Variants in BTBD1 observed in about 807,000 individuals in gnomAD.
BTBD1 encodes BTB domain containing 1.
BTBD1 carries 34 observed loss-of-function variants against 48.0 expected under a neutral mutation model. The ratio of observed to expected loss-of-function variants is 0.71; its 90% CI spans 0.54 to 0.94. The LOEUF is 0.94. Among genes scored for constraint, BTBD1 ranks in the 40% least tolerant of loss-of-function variants. The probability of loss-of-function intolerance (pLI) is 0.00; values close to 1 mark genes in which losing one functional copy is unlikely to be tolerated. For missense variants in BTBD1, 543 were observed against 625.6 expected (o/e 0.87, Z 1.41); for synonymous variants, 261 against 242.1 (o/e 1.08, Z -0.72).
chr15:83,028,673 G>A (rs111668032), intron 5 of BTBD1: 107 of 152,114 alleles, frequency 7.0e-4, no homozygotes, highest in African/African-American at 2.4e-3. Flanking sequence ...TCCTTCCATG[G>A]TAATTGGTCT....
In BTBD1 at chr15:83,067,213, T is replaced by C. The variant is rs551446352; in HGVS notation, c.-62A>G. The C allele has an allele frequency of 3.8e-6, 5 of 1,323,288 alleles. No homozygotes were observed. In the African/African-American group the frequency reaches 4.6e-5, roughly 12 times the overall value. The allele number at this position is 1,323,288 out of a possible 1,614,324, so 82.0% of individuals were successfully genotyped here. Reference sequence around the variant, plus strand: ...CTCCGCCGCCATCGCCCAGGCCGCCTCCGGAGGCCGGCGCTGCCTCCCTGC... The same window carrying C: ...CTCCGCCGCCATCGCCCAGGCCGCCCCCGGAGGCCGGCGCTGCCTCCCTGC... On this transcript the variant is annotated 5_prime_UTR_variant, in exon 1 of 8. Transcript: ENST00000261721.
At position 83,067,086 on chromosome 15, in the gene BTBD1, G is replaced by C; in HGVS notation, c.66C>G (p.Pro22=). 2 of 1,529,338 alleles carry C rather than the reference G, an allele frequency of 1.3e-6. No individual in the cohort carries two copies. The highest frequency in any genetic ancestry group is 1.7e-6 in the Non-Finnish European group (2 of 1,144,420). 94.7% of individuals were successfully genotyped at this position (1,529,338 alleles called of 1,614,324 possible). Residue 22 remains proline (P), a synonymous_variant, in exon 1 of 8, where the codon CCC becomes CCG. Transcript: ENST00000261721. ...GTGAGGGCGGCGGCGGCGGCCCCGC[G>C]GGGCCCGGCTCCGCCTCAGCCCCCG... ...QASGAEAEPG[P]AGPPPPPSPS...
chr15:83,035,911 C>A (rs2032617352), intron 4 of BTBD1, among the ~76,000 whole-genome samples: 1 of 151,412 alleles, frequency 6.6e-6, no homozygotes, highest in South Asian at 2.1e-4. Context: ...TATATATAGA[C>A]TAATTTCTCT....
In BTBD1 at chr15:83,020,773, G is replaced by T. The variant is rs751893394; in HGVS notation, c.1056-11C>A. 5.9e-6 allele frequency: 9 copies of T among 1,523,790 alleles called. No individual in the cohort carries two copies. Among genetic ancestry groups the T allele is most frequent in the African/African-American group, 1.4e-5 (1 of 72,724 alleles). The allele number at this position is 1,523,790 out of a possible 1,614,324, so 94.4% of individuals were successfully genotyped here. ...CTATTAACTGTGAATCTGAGAGAAA[G>T]AAGCCAAAAATAAAATATAATTAAT... On this transcript the variant is annotated splice_polypyrimidine_tract_variant and intron_variant, in intron 5 of 7. Coordinates refer to ENST00000261721, the MANE Select transcript of BTBD1 (RefSeq NM_025238.4).
intron 4 of BTBD1, among the ~76,000 whole-genome samples, chr15:83,035,036 G>A (rs1795476632): frequency 6.6e-6 from 1 of 152,180 alleles, no homozygotes. Context: ...GCTCATGCCT[G>A]TAATCCTAGC....
chr15:83,020,750 A>C lies in BTBD1; in HGVS notation c.1068T>G (p.Asn356Lys). The C allele has an allele frequency of 6.3e-7, 1 of 1,598,714 alleles. No individual in the cohort carries two copies. Among genetic ancestry groups the C allele is most frequent in the Non-Finnish European group, 8.6e-7 (1 of 1,167,162 alleles). Reference sequence around the variant, plus strand: ...CAAATCCAACTATAGAGATCCTTCTATTAACTGTGAATCTGAGAGAAAGAA... The same window carrying C: ...CAAATCCAACTATAGAGATCCTTCTCTTAACTGTGAATCTGAGAGAAAGAA... ...GTSDRIRFTV[N>K]RRISIVGFGL... Residue 356 changes from asparagine (N) to lysine (K), a missense_variant, in exon 6 of 8, where the codon AAT becomes AAG. Coordinates refer to ENST00000261721, the MANE Select transcript of BTBD1 (RefSeq NM_025238.4).
chr15:83,043,074 T>C (rs188132536), intron 3 of BTBD1, among the ~76,000 whole-genome samples: 56 of 152,106 alleles, frequency 3.7e-4, no homozygotes, highest in Admixed American at 7.9e-4. Flanking sequence ...GCCTGGGAGG[T>C]TGCAGGCTGC....
At chr15:83,049,366 C>T (rs549715769) in intron 3 of BTBD1, among the ~76,000 whole-genome samples, 4 of 152,180 alleles carry the variant, frequency 2.6e-5, no homozygotes, top group East Asian at 1.9e-4. Context: ...CCCCGCCAGG[C>T]GTCCATTTTT....
intron 1 of BTBD1, among the ~76,000 whole-genome samples, chr15:83,058,319 C>G (rs927392079): frequency 6.6e-6 from 1 of 152,194 alleles, no homozygotes; most frequent in Non-Finnish European, 1.5e-5. Context: ...GTTGGCCCTT[C>G]CAACCTCTCT....
chr15:83,041,254 T>C (rs940009069), intron 4 of BTBD1, among the ~76,000 whole-genome samples: 2 of 151,684 alleles, frequency 1.3e-5, no homozygotes, highest in African/African-American at 4.8e-5. Flanking sequence ...ACCTATACAA[T>C]GTGGATAATA....
At chr15:83,059,646 G>A (rs557960633) in intron 1 of BTBD1, among the ~76,000 whole-genome samples, 10 of 152,330 alleles carry the variant, frequency 6.6e-5, no homozygotes, top group African/African-American at 1.4e-4. Flanking sequence ...GTGGTGGCAC[G>A]ATCATAGCTC....
chr15:83,063,263 T>C (rs2033204417), intron 1 of BTBD1, among the ~76,000 whole-genome samples: 1 of 152,224 alleles, frequency 6.6e-6, no homozygotes, highest in Non-Finnish European at 1.5e-5. Flanking sequence ...CATGCCTTCC[T>C]AGGTAATCTC....
intron 6 of BTBD1, among the ~76,000 whole-genome samples, chr15:83,019,948 CAACA>C (rs2032257125): frequency 9.5e-6 from 1 of 105,632 alleles, no homozygotes; most frequent in African/African-American, 3.8e-5. Context: ...CCAGCCTGGG[CAACA>C]GAGCAAGACT....
At chr15:83,062,629 A>G (rs983330890) in intron 1 of BTBD1, among the ~76,000 whole-genome samples, 3 of 152,156 alleles carry the variant, frequency 2.0e-5, no homozygotes. Flanking sequence ...AATGTCAGAT[A>G]TTTTCATTAA....
At position 83,066,885 on chromosome 15, in the gene BTBD1, G is replaced by T. The variant is rs2033286842; in HGVS notation, c.267C>A (p.Arg89=). 1 of 1,502,648 alleles carries T rather than the reference G, an allele frequency of 6.7e-7. No homozygotes were observed. Among genetic ancestry groups the T allele is most frequent in the Non-Finnish European group, 8.9e-7 (1 of 1,129,584 alleles). The allele number at this position is 1,502,648 out of a possible 1,614,324, so 93.1% of individuals were successfully genotyped here. The part of the protein sequence containing the change: ...RGAAAAGGPQ[R]IPAHRFVLAA... Reference sequence around the variant, plus strand: ...CCAGCACGAAGCGGTGGGCGGGGATGCGCTGCGGGCCCCCAGCGGCGGCGG... The same window carrying T: ...CCAGCACGAAGCGGTGGGCGGGGATTCGCTGCGGGCCCCCAGCGGCGGCGG... Residue 89 remains arginine, a synonymous_variant, in exon 1 of 8, where the codon CGC becomes CGA. Coordinates refer to ENST00000261721, the MANE Select transcript of BTBD1 (RefSeq NM_025238.4).
chr15:83,018,298 G>T, intron 7 of BTBD1, 73 bp from the exon 8 acceptor site: 1 of 1,173,274 alleles, frequency 8.5e-7, no homozygotes, highest in Non-Finnish European at 1.2e-6. Flanking sequence ...GTTTTAATTA[G>T]ATTAATGTTC....
chr15:83,043,930 A>C (rs2032819522), intron 3 of BTBD1, among the ~76,000 whole-genome samples: 1 of 152,222 alleles, frequency 6.6e-6, no homozygotes, highest in Admixed American at 6.5e-5. Context: ...AGGCAAAATT[A>C]AAATAAGCTC....
intron 4 of BTBD1, among the ~76,000 whole-genome samples, chr15:83,040,718 A>C (rs978476003): frequency 2.0e-5 from 3 of 151,776 alleles, no homozygotes; most frequent in South Asian, 2.1e-4. Context: ...AAAAAAAAAA[A>C]AAACCATGAG....
At chr15:83,044,706 A>G (rs1345943893) in intron 3 of BTBD1, 1 of 1,473,780 alleles carries the variant, frequency 6.8e-7, no homozygotes, top group African/African-American at 1.4e-5. Flanking sequence ...GAAAGATGGG[A>G]AATTAGTGGT....
Sources: allele counts gnomAD v4.1 joint callset (sites outside exome capture counted in the v4.1 genomes callset), GRCh38; gene constraint gnomAD v4.1.1; transcripts MANE v1.5; gene names NCBI Gene and HGNC (gene_info 2026-07-23, HGNC 2026-07-21).